PCDHA4: variants seen among roughly 807,000 people sequenced by gnomAD.
The protein encoded by PCDHA4 is protocadherin alpha 4.
A neutral mutation model predicts 61.4 loss-of-function variants in PCDHA4; 49 were observed. That is an observed-to-expected ratio of 0.80 (90% CI 0.63 to 1.01). The LOEUF (loss-of-function observed/expected upper bound fraction) is 1.01. Ranked by LOEUF, PCDHA4 falls within the 50% of genes least tolerant of loss-of-function variation. The pLI is 0.00. For missense variants in PCDHA4, 1,254 were observed against 1,235.8 expected, an observed-to-expected ratio of 1.01 and a Z score of -0.22; for synonymous variants, 590 against 550.3, an observed-to-expected ratio of 1.07 and a Z score of -1.01.
At chr5:140,877,816 GATT>G (rs2057354449) in intron 1 of PCDHA4, 1 of 1,609,196 alleles carries the variant, frequency 6.2e-7, no homozygotes, top group East Asian at 2.2e-5. Flanking sequence ...GTCTCGAGAA[GATT>G]GTTTAAATCC....
chr5:140,823,902 G>C, intron 1 of PCDHA4: 1 of 1,614,050 alleles, frequency 6.2e-7, no homozygotes, highest in Non-Finnish European at 8.5e-7. Context: ...TGTCCAGCCT[G>C]CTGGTGCTCA....
chr5:140,869,939 A>T (rs377186222), intron 1 of PCDHA4: 5 of 1,612,014 alleles, frequency 3.1e-6, no homozygotes, highest in Non-Finnish European at 4.2e-6. Flanking sequence ...GAGGTAACAT[A>T]CTCCTTAATG....
chr5:140,863,444 G>A, intron 1 of PCDHA4: 4 of 585,532 alleles, frequency 6.8e-6, no homozygotes, highest in South Asian at 2.8e-5. Context: ...GGTCTTACTC[G>A]CAGCAAAGGA....
At chr5:140,935,564 T>A (rs1554210560) in intron 1 of PCDHA4, among the ~76,000 whole-genome samples, 1 of 152,236 alleles carries the variant, frequency 6.6e-6, no homozygotes, top group Non-Finnish European at 1.5e-5. Context: ...GAAAAGTTCC[T>A]CTCTGTGTAG....
intron 1 of PCDHA4, among the ~76,000 whole-genome samples, chr5:140,923,952 C>T (rs1313695833): frequency 5.9e-5 from 9 of 152,178 alleles, no homozygotes; most frequent in Non-Finnish European, 1.0e-4. Context: ...TTTCCTCACG[C>T]CCTAATCTAT....
intron 1 of PCDHA4, among the ~76,000 whole-genome samples, chr5:140,948,792 T>C (rs1215416836): frequency 6.6e-6 from 1 of 151,646 alleles, no homozygotes; most frequent in Non-Finnish European, 1.5e-5. Context: ...TTTGTTGATA[T>C]ATTTTCTATT....
intron 1 of PCDHA4, among the ~76,000 whole-genome samples, chr5:140,880,565 A>T (rs1554171321): frequency 6.6e-6 from 1 of 152,206 alleles, no homozygotes; most frequent in Non-Finnish European, 1.5e-5. Flanking sequence ...TGAGGTTGAG[A>T]ATTTGAGAAG....
chr5:140,807,595 AC>A lies in PCDHA4; in HGVS notation c.409del (p.Gln137LysfsTer18). On this transcript the variant is annotated frameshift_variant, in exon 1 of 4. Transcript: ENST00000530339. LOFTEE classifies it high-confidence loss of function. ...NDNPPVFPAT[Q>X]KNLSIAESRP... is the part of the protein sequence containing the mutation. ...ATAACCCGCCGGTGTTCCCAGCAAC[AC>A]AAAAGAACCTGTCCATCGCGGAATC... 1 of 1,614,194 alleles carries A rather than the reference AC, an allele frequency of 6.2e-7. No homozygotes were observed. The highest frequency in any genetic ancestry group is 8.5e-7 in the Non-Finnish European group (1 of 1,180,038).
At chr5:140,882,592 G>T in intron 1 of PCDHA4, 1 of 1,614,272 alleles carries the variant, frequency 6.2e-7, no homozygotes, top group Non-Finnish European at 8.5e-7. Context: ...ACCTGGAGGT[G>T]ATCGTGGACA....
intron 1 of PCDHA4, chr5:140,877,110 C>A (rs1554169339): frequency 1.1e-5 from 18 of 1,613,500 alleles, no homozygotes; most frequent in Middle Eastern, 1.7e-4. Flanking sequence ...CGCCTCTGGG[C>A]AGCAACGTGA....
At position 140,835,844 on chromosome 5, in the gene PCDHA4, C is replaced by T. The variant is rs2150246309; in HGVS notation, c.2385+26272C>T. The T allele has an allele frequency of 8.1e-6, 13 of 1,612,362 alleles. No homozygotes were observed. The Admixed American group carries it at 1.0e-4, about 12-fold the overall frequency. On this transcript the variant is annotated intron_variant, in intron 1 of 3. Coordinates refer to ENST00000530339, the MANE Select transcript of PCDHA4 (RefSeq NM_018907.4). Reference sequence around the variant, plus strand: ...CGGGGGACGCGGACGCGCAGAAGAACGCGCTGGTGTCCTACTCGCTGGTGG... The same window carrying T: ...CGGGGGACGCGGACGCGCAGAAGAATGCGCTGGTGTCCTACTCGCTGGTGG...
chr5:140,871,011 G>C, intron 1 of PCDHA4: 1 of 1,613,324 alleles, frequency 6.2e-7, no homozygotes, highest in Non-Finnish European at 8.5e-7. Context: ...CGCGTGCCCT[G>C]GACGAGGCAG....
At chr5:140,894,973 C>G (rs1297295605) in intron 1 of PCDHA4, among the ~76,000 whole-genome samples, 1 of 152,076 alleles carries the variant, frequency 6.6e-6, no homozygotes, top group Non-Finnish European at 1.5e-5. Context: ...TTTTTAATGT[C>G]TTACTTTGTG....
chr5:140,927,705 C>T (rs2084535217), intron 1 of PCDHA4: 1 of 1,614,100 alleles, frequency 6.2e-7, no homozygotes, highest in African/African-American at 1.3e-5. Flanking sequence ...TCCAGTACTC[C>T]CTAAGCAACA....
At chr5:140,917,127 C>T (rs1286418907) in intron 1 of PCDHA4, among the ~76,000 whole-genome samples, 1 of 152,072 alleles carries the variant, frequency 6.6e-6, no homozygotes, top group African/African-American at 2.4e-5. Context: ...CGCAGACTCC[C>T]CACGTTGCTC....
intron 1 of PCDHA4, among the ~76,000 whole-genome samples, chr5:140,964,396 G>A (rs2095829712): frequency 6.6e-6 from 1 of 152,188 alleles, no homozygotes; most frequent in South Asian, 2.1e-4. Flanking sequence ...TTTCTCCCAA[G>A]ACATGACATT....
Position 140,852,727 on chromosome 5 carries a change from G to A in PCDHA4, c.2385+43155G>A, listed in dbSNP as rs1395858951. 8.1e-6 allele frequency: 8 copies of A among 983,412 alleles called. 1 individual carries two copies. The South Asian group carries it at 2.9e-4, about 35-fold the overall frequency. The allele number at this position is 983,412 out of a possible 1,614,324, so 60.9% of individuals were successfully genotyped here. The stretch of plus-strand genomic sequence containing the variant: ...ATCTTTGTCTTTGCACGTTTTTCAA[G>A]TTTCATGTGCCATTTAAACTTGGAC... On this transcript the variant is annotated intron_variant, in intron 1 of 3. Transcript: ENST00000530339.
intron 1 of PCDHA4, chr5:140,856,391 G>A (rs1554148627): frequency 6.3e-7 from 1 of 1,598,560 alleles, no homozygotes; most frequent in Non-Finnish European, 8.6e-7. Context: ...GCCGCTGCAG[G>A]TTTTCCATGT....
chr5:140,934,822 T>C (rs2090051776), intron 1 of PCDHA4, among the ~76,000 whole-genome samples: 1 of 152,218 alleles, frequency 6.6e-6, no homozygotes. Flanking sequence ...ATGCTAACTT[T>C]GGCAAGTTGG....
Sources: gnomAD v4.1 joint callset for allele counts (sites outside exome capture counted in the v4.1 genomes callset) on GRCh38, gnomAD v4.1.1 for gene constraint, MANE v1.5 for transcripts, NCBI Gene and HGNC (gene_info 2026-07-23, HGNC 2026-07-21) for gene names.